The following SBF2 variants were observed in gnomAD, a reference collection of about 807,000 sequenced individuals.
The protein encoded by SBF2 is SET binding factor 2, also known as myotubularin-related protein 13.
Under a neutral mutation model 225.2 loss-of-function variants are expected in SBF2, and 112 were observed. The observed-to-expected ratio is 0.50, with a 90% CI of 0.43 to 0.58. SBF2 has a LOEUF of 0.58. Ranked by LOEUF, SBF2 falls within the 20% of genes least tolerant of loss-of-function variation. SBF2 has a pLI of 0.00. For synonymous variants in SBF2, 763 were observed against 773.3 expected, an observed-to-expected ratio of 0.99 and a Z score of 0.22; for missense variants, 1,996 against 2,206.2, an observed-to-expected ratio of 0.90 and a Z score of 1.91.
At chr11:10,064,279 T>C (rs992681392) in intron 2 of SBF2, among the ~76,000 whole-genome samples, 8 of 152,072 alleles carry the variant, frequency 5.3e-5, no homozygotes, top group African/African-American at 1.9e-4. Flanking sequence ...AAGTAGAATA[T>C]ACAAATTAAA....
At chr11:10,115,658 T>C (rs1238022199) in intron 2 of SBF2, among the ~76,000 whole-genome samples, 1 of 152,184 alleles carries the variant, frequency 6.6e-6, no homozygotes, top group Non-Finnish European at 1.5e-5. Context: ...ATTATTAACA[T>C]ATAACACTAA....
At chr11:9,929,565 C>T (rs933672345) in intron 16 of SBF2, among the ~76,000 whole-genome samples, 1 of 152,122 alleles carries the variant, frequency 6.6e-6, no homozygotes, top group Non-Finnish European at 1.5e-5. Context: ...GTTGGCAAAT[C>T]GATGAGATAA....
chr11:9,833,421 A>AT (rs371039800), intron 26 of SBF2, among the ~76,000 whole-genome samples: 66,049 of 134,034 alleles, frequency 0.49, 18,208 homozygotes, highest in Non-Finnish European at 0.63. Flanking sequence ...TTTTTTGGTG[A>AT]TTTTTTTTTT....
At chr11:10,224,917 T>C (rs1208377859) in intron 1 of SBF2, among the ~76,000 whole-genome samples, 1 of 152,192 alleles carries the variant, frequency 6.6e-6, no homozygotes, top group African/African-American at 2.4e-5. Context: ...GGATGCCCAA[T>C]GGCTAATACA....
chr11:9,933,465 G>C (rs1354023424), intron 16 of SBF2, among the ~76,000 whole-genome samples: 1 of 152,180 alleles, frequency 6.6e-6, no homozygotes, highest in African/African-American at 2.4e-5. Context: ...CTGTGTCTCA[G>C]ACCACAGTGC....
intron 2 of SBF2, among the ~76,000 whole-genome samples, chr11:10,174,855 T>C (rs1956382809): frequency 6.6e-6 from 1 of 151,070 alleles, no homozygotes; most frequent in South Asian, 2.1e-4. Context: ...GGGGCCAATA[T>C]TCAACATTCT....
chr11:10,153,538 T>G (rs923654342), intron 2 of SBF2, among the ~76,000 whole-genome samples: 2 of 152,166 alleles, frequency 1.3e-5, no homozygotes, highest in Non-Finnish European at 2.9e-5. Flanking sequence ...GCTTAAAGAT[T>G]AATTTATAGC....
intron 16 of SBF2, among the ~76,000 whole-genome samples, chr11:9,912,255 T>C (rs1862691863): frequency 7.2e-6 from 1 of 138,742 alleles, no homozygotes; most frequent in Non-Finnish European, 1.5e-5. Context: ...GAGGTTGCAG[T>C]GAGCCGAGAT....
chr11:9,931,990 G>A (rs1864531360), intron 16 of SBF2, among the ~76,000 whole-genome samples: 2 of 148,170 alleles, frequency 1.3e-5, no homozygotes, highest in Admixed American at 6.7e-5. Flanking sequence ...GCATGCACAA[G>A]CTTCAATACC....
intron 6 of SBF2, among the ~76,000 whole-genome samples, chr11:10,003,930 T>A (rs1948080997): frequency 6.6e-6 from 1 of 152,162 alleles, no homozygotes; most frequent in Non-Finnish European, 1.5e-5. Flanking sequence ...AGAGTCCCCA[T>A]TTGTTTTCTC....
chr11:10,045,287 C>T (rs1949811222), intron 2 of SBF2, among the ~76,000 whole-genome samples: 3 of 152,008 alleles, frequency 2.0e-5, no homozygotes, highest in South Asian at 4.1e-4. Context: ...CCTGCTTCAG[C>T]CTCCTGAGTA....
intron 26 of SBF2, among the ~76,000 whole-genome samples, chr11:9,834,103 ATT>A (rs1319010204): frequency 2.1e-5 from 3 of 144,736 alleles, no homozygotes; most frequent in Non-Finnish European, 4.5e-5. Context: ...TTTTTTATTT[ATT>A]TTTTGAGACA....
At chr11:9,882,349 A>G (rs765269565) in intron 17 of SBF2, among the ~76,000 whole-genome samples, 10 of 152,236 alleles carry the variant, frequency 6.6e-5, no homozygotes, top group Non-Finnish European at 1.3e-4. Flanking sequence ...TTTTATTGTT[A>G]CCATGAGGAA....
chr11:10,092,252 TC>T (rs1459664063), intron 2 of SBF2, among the ~76,000 whole-genome samples: 2 of 152,166 alleles, frequency 1.3e-5, no homozygotes, highest in African/African-American at 2.4e-5. Flanking sequence ...CATTTGGCAA[TC>T]AAAATGATTA....
At chr11:9,966,297 C>T (rs994189977) in intron 14 of SBF2, among the ~76,000 whole-genome samples, 2 of 152,082 alleles carry the variant, frequency 1.3e-5, no homozygotes, top group Admixed American at 1.3e-4. Flanking sequence ...ACCGTGTTGG[C>T]CAGGCTGGTC....
chr11:10,265,802 G>A (rs759973610), intron 1 of SBF2, among the ~76,000 whole-genome samples: 51 of 152,072 alleles, frequency 3.4e-4, no homozygotes, highest in Non-Finnish European at 5.7e-4. Context: ...CCTCCCTCCT[G>A]CCTCAGCCTC....
chr11:10,237,149 C>G (rs1959105122), intron 1 of SBF2, among the ~76,000 whole-genome samples: 1 of 152,030 alleles, frequency 6.6e-6, no homozygotes, highest in Non-Finnish European at 1.5e-5. Flanking sequence ...GAGTTTGAGA[C>G]CAGCCTGGCC....
intron 20 of SBF2, 123 bp downstream of exon 20, chr11:9,853,417 A>C: frequency 1.2e-6 from 1 of 862,830 alleles, no homozygotes; most frequent in Non-Finnish European, 1.9e-6. Flanking sequence ...CATTTTAAAA[A>C]CTAATCAGAA....
intron 1 of SBF2, among the ~76,000 whole-genome samples, chr11:10,279,106 T>TAAAAAAAAA (rs58093618): frequency 1.8e-5 from 1 of 56,140 alleles, no homozygotes; most frequent in Non-Finnish European, 3.2e-5. Flanking sequence ...GGTCTTGTAT[T>TAAAAAAAAA]AAAAAAAAAA....
Sources: allele counts gnomAD v4.1 joint callset (sites outside exome capture counted in the v4.1 genomes callset), GRCh38; gene constraint gnomAD v4.1.1; transcripts MANE v1.5; gene names NCBI Gene and HGNC (gene_info 2026-07-23, HGNC 2026-07-21).